The following CLEC19A variants were observed in gnomAD, a reference collection of about 807,000 sequenced individuals.
CLEC19A encodes C-type lectin domain family 19 member A.
In CLEC19A, 21 loss-of-function variants were observed where a neutral mutation model predicts 26.1. The ratio of observed to expected loss-of-function variants is 0.80; its 90% CI spans 0.57 to 1.16. The LOEUF (loss-of-function observed/expected upper bound fraction) is 1.16. Ranked by LOEUF, CLEC19A falls within the 50% of genes most tolerant of loss-of-function variation. The pLI is 0.00. For missense variants in CLEC19A, 224 were observed against 227.6 expected, an observed-to-expected ratio of 0.98 and a Z score of 0.10; for synonymous variants, 89 against 88.6, an observed-to-expected ratio of 1.00 and a Z score of -0.03.
chr16:19,301,272 G>T (rs1325699476), intron 2 of CLEC19A, among the ~76,000 whole-genome samples: 1 of 152,162 alleles, frequency 6.6e-6, no homozygotes, highest in Admixed American at 6.5e-5. Flanking sequence ...CAGGAACTTT[G>T]GGCTACAAGC....
At chr16:19,287,518 G>C (rs925332447) in intron 1 of CLEC19A, among the ~76,000 whole-genome samples, 1 of 152,054 alleles carries the variant, frequency 6.6e-6, no homozygotes, top group African/African-American at 2.4e-5. Flanking sequence ...CCTTACTCTC[G>C]GACCTCAGTT....
At chr16:19,306,868 T>C (rs1180247854) in intron 3 of CLEC19A, among the ~76,000 whole-genome samples, 3 of 152,162 alleles carry the variant, frequency 2.0e-5, no homozygotes, top group Non-Finnish European at 4.4e-5. Context: ...GCTATTCCCA[T>C]TACATGACGT....
At chr16:19,298,490 T>C (rs1548448) in intron 1 of CLEC19A, among the ~76,000 whole-genome samples, 183 bp from the exon 2 acceptor site, 17,435 of 151,958 alleles carry the variant, frequency 0.11, 1,030 homozygotes, top group South Asian at 0.15. Flanking sequence ...TCACTTGAGC[T>C]GAGAGTTGGA....
chr16:19,286,849 T>C (rs1897480168), intron 1 of CLEC19A, among the ~76,000 whole-genome samples: 1 of 152,158 alleles, frequency 6.6e-6, no homozygotes, highest in Admixed American at 6.6e-5. Flanking sequence ...GTTGTGATAG[T>C]GTTAGAGTGA....
Position 19,285,954 on chromosome 16 carries a change from C to G in CLEC19A, c.88+15C>G, listed in dbSNP as rs1169044414. On this transcript the variant is annotated intron_variant, in intron 1 of 4. Transcript: ENST00000636231. ...TATCAGTCCAGGTAAGTGCAGGGAC[C>G]AGGGCTGGGAGCAGGTGGAGAGGAG... The G allele has an allele frequency of 6.5e-7, 1 of 1,549,382 alleles. No homozygotes were observed. The highest frequency in any genetic ancestry group is 1.4e-5 in the African/African-American group (1 of 73,106).
intron 1 of CLEC19A, among the ~76,000 whole-genome samples, chr16:19,296,985 C>A (rs917165742): frequency 6.6e-6 from 1 of 152,128 alleles, no homozygotes; most frequent in Admixed American, 6.5e-5. Flanking sequence ...CAGATTCCAC[C>A]CCTGCCCACT....
intron 2 of CLEC19A, 66 bp downstream of exon 2, chr16:19,298,904 G>A: frequency 7.0e-7 from 1 of 1,421,720 alleles, no homozygotes; most frequent in Non-Finnish European, 9.4e-7. Context: ...GGTGGAGAAT[G>A]GTATTTCCAA....
At chr16:19,299,331 C>G (rs1303261392) in intron 2 of CLEC19A, among the ~76,000 whole-genome samples, 1 of 152,124 alleles carries the variant, frequency 6.6e-6, no homozygotes, top group Non-Finnish European at 1.5e-5. Flanking sequence ...ATTAAAACTC[C>G]CTCAAACCAT....
In CLEC19A at chr16:19,304,234, A is replaced by C. The variant is rs1283875933; in HGVS notation, c.348+79A>C. 1.5e-5 allele frequency: 18 copies of C among 1,212,288 alleles called. No homozygotes were observed. The East Asian group carries it at 4.3e-4, about 29-fold the overall frequency. 75.1% of individuals were successfully genotyped at this position (1,212,288 alleles called of 1,614,324 possible). A position where few individuals can be genotyped will look rare whatever the true frequency, so the allele number is the denominator to read the frequency against. On this transcript the variant is annotated intron_variant, in intron 3 of 4. Transcript: ENST00000636231. ...TTTGATTTAATAAGCTTTTCACATC[A>C]GTGCCAGGTCACGGCTATGCACACA...
intron 1 of CLEC19A, among the ~76,000 whole-genome samples, chr16:19,294,258 G>T (rs935437123): frequency 3.3e-5 from 5 of 152,290 alleles, no homozygotes; most frequent in African/African-American, 1.2e-4. Flanking sequence ...GTGCAGAAAG[G>T]TCACATGAAC....
chr16:19,307,539 TC>T lies in CLEC19A; in HGVS notation c.349-3del. 6.5e-7 allele frequency: 1 copy of T among 1,547,898 alleles called. No individual in the cohort carries two copies. Among genetic ancestry groups the T allele is most frequent in the Non-Finnish European group, 8.7e-7 (1 of 1,146,726 alleles). The stretch of plus-strand genomic sequence containing the variant: ...TTCTTTGTCTCTTTGGGTGGAACCC[TC>T]CCAGGAAGGGCAGTTTGAATGGACT... On this transcript the variant is annotated splice_region_variant and splice_polypyrimidine_tract_variant and intron_variant, in intron 3 of 4. Coordinates refer to ENST00000636231, the MANE Select transcript of CLEC19A (RefSeq NM_001256720.2).
At chr16:19,289,993 C>T (rs1447351962) in intron 1 of CLEC19A, among the ~76,000 whole-genome samples, 1 of 152,160 alleles carries the variant, frequency 6.6e-6, no homozygotes. Context: ...AGCCTCTCCG[C>T]CTCCCCTCCT....
intron 1 of CLEC19A, among the ~76,000 whole-genome samples, chr16:19,288,933 C>G (rs1364201222): frequency 6.6e-6 from 1 of 152,194 alleles, no homozygotes; most frequent in African/African-American, 2.4e-5. Flanking sequence ...GCATTGCACT[C>G]TCAGCTCTGG....
chr16:19,307,530 G>T lies in CLEC19A; in HGVS notation c.349-15G>T. On this transcript the variant is annotated splice_polypyrimidine_tract_variant and intron_variant, in intron 3 of 4. Transcript: ENST00000636231. ...TTGGCTTGCTTCTTTGTCTCTTTGG[G>T]TGGAACCCTCCCAGGAAGGGCAGTT... The T allele has an allele frequency of 6.5e-7, 1 of 1,547,626 alleles. No homozygotes were observed. The highest frequency in any genetic ancestry group is 8.7e-7 in the Non-Finnish European group (1 of 1,146,644).
At chr16:19,290,865 G>A (rs1270529692) in intron 1 of CLEC19A, among the ~76,000 whole-genome samples, 1 of 151,894 alleles carries the variant, frequency 6.6e-6, no homozygotes, top group Non-Finnish European at 1.5e-5. Flanking sequence ...TAGAGACAAG[G>A]TCTTGCTCTG....
In CLEC19A at chr16:19,307,649, C is replaced by T. The variant is rs764855371; in HGVS notation, c.453C>T (p.Cys151=). 34 of 1,548,194 alleles carry T rather than the reference C, an allele frequency of 2.2e-5. No individual in the cohort carries two copies. In the Admixed American group the frequency reaches 2.9e-4, roughly 13 times the overall value. Residue 151 remains cysteine, a synonymous_variant, in exon 4 of 5, where the codon TGC becomes TGT. Coordinates refer to ENST00000636231, the MANE Select transcript of CLEC19A (RefSeq NM_001256720.2). ...GVHADPEEED[C]VQIWYRPTSA... ...ACGCGGACCCAGAAGAAGAGGACTG[C>T]GTGCAGATATGGTACAGGCCTACCA...
chr16:19,293,747 C>T (rs1388245425), intron 1 of CLEC19A, among the ~76,000 whole-genome samples: 8 of 133,198 alleles, frequency 6.0e-5, no homozygotes, highest in Non-Finnish European at 1.3e-4. Flanking sequence ...TGAGCCGCTG[C>T]GACCAGCCTA....
intron 1 of CLEC19A, among the ~76,000 whole-genome samples, chr16:19,291,355 T>C (rs1897579356): frequency 6.6e-6 from 1 of 152,220 alleles, no homozygotes; most frequent in South Asian, 2.1e-4. Flanking sequence ...TTAAATGCAG[T>C]AGGACTCTCT....
chr16:19,304,308 C>A, intron 3 of CLEC19A, 153 bp downstream of exon 3: 1 of 600,270 alleles, frequency 1.7e-6, no homozygotes, highest in Non-Finnish European at 3.0e-6. Flanking sequence ...ACAGCATGAC[C>A]AATTTGTGAA....
Sources: allele counts gnomAD v4.1 joint callset (sites outside exome capture counted in the v4.1 genomes callset), GRCh38; gene constraint gnomAD v4.1.1; transcripts MANE v1.5; gene names NCBI Gene and HGNC (gene_info 2026-07-23, HGNC 2026-07-21).